The following RHPN1 variants were observed in gnomAD, a reference collection of about 807,000 sequenced individuals.
The protein encoded by RHPN1 is rhophilin Rho GTPase binding protein 1.
In RHPN1, 77 loss-of-function variants were observed where a neutral mutation model predicts 74.7. That is an observed-to-expected ratio of 1.03 (90% CI 0.86 to 1.25). RHPN1 has a LOEUF of 1.25. RHPN1 is among the 50% of genes most tolerant of loss of function. The pLI is 0.00. For missense variants in RHPN1, 987 were observed against 932.2 expected, an observed-to-expected ratio of 1.06 and a Z score of -0.77; for synonymous variants, 444 against 414.5, an observed-to-expected ratio of 1.07 and a Z score of -0.87.
intron 1 of RHPN1, chr8:143,374,354 G>T: frequency 1.0e-6 from 1 of 977,092 alleles, no homozygotes; most frequent in Non-Finnish European, 1.2e-6. Context: ...TGGGGAAGAA[G>T]AGGTCCTGTC....
intron 11 of RHPN1, among the ~76,000 whole-genome samples, 153 bp from the exon 12 acceptor site, chr8:143,381,115 C>T (rs534982290): frequency 6.6e-6 from 1 of 152,314 alleles, no homozygotes; most frequent in African/African-American, 2.4e-5. Context: ...CAGGGCACAC[C>T]TGGGGCAGCT....
At position 143,382,759 on chromosome 8, in the gene RHPN1, T is replaced by G; in HGVS notation, c.*108T>G. ...GGGCAATGCCTGTCCCGCCTCATGC[T>G]GGAGGCTGCCTCGGGCACCTGCCTG... On this transcript the variant is annotated 3_prime_UTR_variant, in exon 15 of 15. Transcript: ENST00000289013. 1 of 969,618 alleles carries G rather than the reference T, an allele frequency of 1.0e-6. No homozygotes were observed. The highest frequency in any genetic ancestry group is 1.5e-6 in the Non-Finnish European group (1 of 660,058). 60.1% of individuals were successfully genotyped at this position (969,618 alleles called of 1,614,324 possible).
chr8:143,382,664 C>A lies in RHPN1; in HGVS notation c.*13C>A. ...AGGGTGGCCGTGAGGGCCAGGATCCCTGCACGCCTCAGCCCTGGCTCCAGC... is the reference window on the plus strand; with the variant it reads ...AGGGTGGCCGTGAGGGCCAGGATCCATGCACGCCTCAGCCCTGGCTCCAGC... On this transcript the variant is annotated 3_prime_UTR_variant, in exon 15 of 15. Coordinates refer to ENST00000289013, the MANE Select transcript of RHPN1 (RefSeq NM_052924.3). 1.3e-6 allele frequency: 2 copies of A among 1,599,662 alleles called. No homozygotes were observed. The highest frequency in any genetic ancestry group is 1.7e-6 in the Non-Finnish European group (2 of 1,174,368).
chr8:143,377,448 C>T lies in RHPN1; in HGVS notation c.374C>T (p.Pro125Leu), dbSNP rs746173453. 6.3e-5 allele frequency: 101 copies of T among 1,612,240 alleles called. No homozygotes were observed. The highest frequency in any genetic ancestry group is 7.9e-5 in the Non-Finnish European group (93 of 1,178,648). The change falls in exon 4 of 15, where the codon CCG becomes CTG. Residue 125 changes from proline (P) to leucine (L), a missense_variant. By Grantham distance (98) the Pro-to-Leu change is moderately conservative (BLOSUM62 -3). Transcript: ENST00000289013. The part of the protein sequence containing the change: ...KETKELDWST[P>L]LKELISVHFG... The stretch of plus-strand genomic sequence containing the variant: ...ACCAAGGAGCTGGACTGGTCTACAC[C>T]GCTGAAGGTAGGTACTGGCCTCCAA...
At chr8:143,364,909 C>T (rs928033451), upstream of RHPN1, among the ~76,000 whole-genome samples, 11 of 152,190 alleles carry the variant, frequency 7.2e-5, no homozygotes, top group Non-Finnish European at 1.0e-4. The surrounding 1 kb of genome is among the most constrained non-coding windows in gnomAD (Gnocchi z 4.5). Flanking sequence ...GCGTCCTGCT[C>T]GCCCTGTGGT....
Position 143,378,317 on chromosome 8 carries a change from G to C in RHPN1, c.430G>C (p.Glu144Gln). Residue 144 changes from glutamate to glutamine, a missense_variant, in exon 5 of 15, where the codon GAA becomes CAA. Glu to Gln is a conservative substitution (Grantham distance 29, BLOSUM62 2). Coordinates refer to ENST00000289013, the MANE Select transcript of RHPN1 (RefSeq NM_052924.3). ...AGAGGACGGCGCCTCCTACGAGGCA[G>C]AAATCAGGGAGCTGGAGGCCCTGCG... ...FGEDGASYEA[E>Q]IRELEALRQA... 18 of 1,565,694 alleles carry C rather than the reference G, an allele frequency of 1.1e-5. No individual in the cohort carries two copies. The highest frequency in any genetic ancestry group is 1.6e-5 in the Non-Finnish European group (18 of 1,155,918).
intron 1 of RHPN1, among the ~76,000 whole-genome samples, chr8:143,372,174 C>T (rs1339172601): frequency 1.3e-5 from 2 of 152,166 alleles, no homozygotes; most frequent in African/African-American, 4.8e-5. Context: ...AGCCAGAGCC[C>T]TTAAAGCTGC....
chr8:143,366,441 C>A (rs911134682), upstream of RHPN1, among the ~76,000 whole-genome samples: 1 of 152,022 alleles, frequency 6.6e-6, no homozygotes, highest in Non-Finnish European at 1.5e-5. Flanking sequence ...TGCAGTGATA[C>A]ATTCTTGCTG....
Position 143,379,922 on chromosome 8 carries a change from A to G in RHPN1, c.1039A>G (p.Lys347Glu). 1 of 1,597,940 alleles carries G rather than the reference A, an allele frequency of 6.3e-7. No homozygotes were observed. Among genetic ancestry groups the G allele is most frequent in the Non-Finnish European group, 8.5e-7 (1 of 1,173,034 alleles). The stretch of plus-strand genomic sequence containing the variant: ...CTCCTGGACTGCCCTGGTGCATGTC[A>G]AGGCCGAGTACTTCCGCTCCCTGGC... ...PVSWTALVHV[K>E]AEYFRSLAHY... Residue 347 changes from lysine (K) to glutamate (E), a missense_variant, in exon 9 of 15, where the codon AAG becomes GAG. By Grantham distance (56) the Lys-to-Glu change is moderately conservative (BLOSUM62 1). Coordinates refer to ENST00000289013, the MANE Select transcript of RHPN1 (RefSeq NM_052924.3).
chr8:143,381,067 AT>A (rs1818689884), intron 11 of RHPN1, among the ~76,000 whole-genome samples, 200 bp from the exon 12 acceptor site: 1 of 152,010 alleles, frequency 6.6e-6, no homozygotes, highest in Non-Finnish European at 1.5e-5. Flanking sequence ...TCAGGGAGGG[AT>A]TTTGGGAGCC....
chr8:143,370,269 A>G (rs913145440), intron 1 of RHPN1, among the ~76,000 whole-genome samples: 2 of 152,150 alleles, frequency 1.3e-5, no homozygotes, highest in African/African-American at 4.8e-5. Flanking sequence ...AGCTGTTTCC[A>G]GGCTGCCGTG....
At chr8:143,377,052 CTGTGTGT>C (rs1563794623) in intron 3 of RHPN1, among the ~76,000 whole-genome samples, 5,431 of 45,736 alleles carry the variant, frequency 0.12, 278 homozygotes, top group African/African-American at 0.19. Context: ...CTGTGTGTGT[CTGTGTGT>C]GCGCGTGTGT....
chr8:143,375,480 CAG>C (rs1265820521), intron 1 of RHPN1, 71 bp from the exon 2 acceptor site: 1 of 1,028,834 alleles, frequency 9.7e-7, no homozygotes, highest in East Asian at 2.6e-5. Flanking sequence ...GCACTCCTCT[CAG>C]TGGCTGGCGA....
intron 1 of RHPN1, among the ~76,000 whole-genome samples, chr8:143,371,948 G>A (rs1472977217): frequency 2.6e-5 from 4 of 152,206 alleles, no homozygotes; most frequent in Admixed American, 6.5e-5. Flanking sequence ...CACCTCCAAG[G>A]TCTACCCAGC....
chr8:143,376,715 GCA>G (rs1818249720), intron 3 of RHPN1, 62 bp downstream of exon 3: 2 of 1,507,448 alleles, frequency 1.3e-6, no homozygotes, highest in Non-Finnish European at 9.0e-7. Context: ...GTGTGTGTGT[GCA>G]TGTGTGTGCA....
Position 143,378,236 on chromosome 8 carries a change from G to T in RHPN1, c.382-33G>T, listed in dbSNP as rs200999511. On this transcript the variant is annotated intron_variant, in intron 4 of 14. Coordinates refer to ENST00000289013, the MANE Select transcript of RHPN1 (RefSeq NM_052924.3). The stretch of plus-strand genomic sequence containing the variant: ...TCAGGGAAGGAGGCCAGGCACAGGG[G>T]TACTGTGGATGCCAACACCTGCCCC... 10 of 1,534,432 alleles carry T rather than the reference G, an allele frequency of 6.5e-6. No homozygotes were observed. The South Asian group carries it at 1.1e-4, about 16-fold the overall frequency.
chr8:143,377,969 C>T (rs919464624), intron 4 of RHPN1, among the ~76,000 whole-genome samples: 2 of 152,216 alleles, frequency 1.3e-5, no homozygotes, highest in African/African-American at 4.8e-5. Context: ...TAAGGAAACG[C>T]ACGTAAAAGT....
rs748626688 is a variant in RHPN1 at position 143,378,714 on chromosome 8, C to T, written c.478C>T (p.Arg160Trp). The stretch of plus-strand genomic sequence containing the variant: ...CCTGCAGGCCATGCGGACCCCCAGC[C>T]GGAATGAGTCGGGCCTGGAGCTGCT... ...ALRQAMRTPS[R>W]NESGLELLTA... The change falls in exon 6 of 15, where the codon CGG becomes TGG. Residue 160 changes from arginine (R) to tryptophan (W), a missense_variant. Physicochemically the swap from Arg to Trp is moderately radical, Grantham distance 101 (BLOSUM62 -3). Coordinates refer to ENST00000289013, the MANE Select transcript of RHPN1 (RefSeq NM_052924.3). 8 of 1,595,398 alleles carry T rather than the reference C, an allele frequency of 5.0e-6. No homozygotes were observed. The highest frequency in any genetic ancestry group is 1.1e-5 in the South Asian group (1 of 88,036).
chr8:143,374,563 C>T (rs1291919514), intron 1 of RHPN1, among the ~76,000 whole-genome samples: 5 of 152,314 alleles, frequency 3.3e-5, no homozygotes, highest in Middle Eastern at 3.4e-3. Context: ...GCTGGAGAGG[C>T]AAGCCAGCCA....
Sources: allele counts gnomAD v4.1 joint callset (sites outside exome capture counted in the v4.1 genomes callset), GRCh38; gene constraint gnomAD v4.1.1; non-coding constraint Gnocchi (gnomAD v3.1); transcripts MANE v1.5; gene names NCBI Gene and HGNC (gene_info 2026-07-23, HGNC 2026-07-21).